LAMB4: variants seen among roughly 807,000 people sequenced by gnomAD.
LAMB4 encodes laminin subunit beta-4.
LAMB4 carries 196 observed loss-of-function variants against 199.2 expected under a neutral mutation model. The observed-to-expected ratio is 0.98, with a 90% confidence interval of 0.88 to 1.11. The LOEUF is 1.11. Among genes scored for constraint, LAMB4 ranks in the 50% least tolerant of loss-of-function variants. LAMB4 has a pLI of 0.00. For missense variants in LAMB4, 2,080 were observed against 2,171.2 expected (o/e 0.96, Z 0.83); for synonymous variants, 744 against 770.6 (o/e 0.97, Z 0.57).
At chr7:108,115,449 G>A (rs1045720860) in intron 3 of LAMB4, among the ~76,000 whole-genome samples, 8 of 152,114 alleles carry the variant, frequency 5.3e-5, no homozygotes, top group South Asian at 2.1e-4. Flanking sequence ...TGGGAAGATC[G>A]CTTGAGGCAA....
At chr7:108,089,483 T>C (rs1271591945) in intron 14 of LAMB4, among the ~76,000 whole-genome samples, 1 of 152,174 alleles carries the variant, frequency 6.6e-6, no homozygotes, top group Non-Finnish European at 1.5e-5. Context: ...AATCCTAATA[T>C]ACTTACTGAT....
chr7:108,077,868 A>G (rs2036764706), intron 16 of LAMB4, among the ~76,000 whole-genome samples: 1 of 152,162 alleles, frequency 6.6e-6, no homozygotes, highest in African/African-American at 2.4e-5. Flanking sequence ...TGGGGACCGG[A>G]AAAGGAACAT....
intron 11 of LAMB4, among the ~76,000 whole-genome samples, chr7:108,097,481 A>G (rs73197608): frequency 0.029 from 4,367 of 152,314 alleles, 162 homozygotes; most frequent in East Asian, 0.16. Context: ...GAAAGGGGAA[A>G]CATAATTTAA....
At chr7:108,092,150 C>T (rs954509229) in intron 13 of LAMB4, among the ~76,000 whole-genome samples, 187 bp downstream of exon 13, 10 of 152,226 alleles carry the variant, frequency 6.6e-5, no homozygotes, top group Middle Eastern at 3.4e-3. Flanking sequence ...GGATACCCAG[C>T]AGAAGGATTG....
intron 1 of LAMB4, among the ~76,000 whole-genome samples, chr7:108,126,142 C>T (rs2038770090): frequency 6.6e-6 from 1 of 152,228 alleles, no homozygotes; most frequent in Non-Finnish European, 1.5e-5. Flanking sequence ...CAGCAGGCCA[C>T]AGCCCTGAAT....
At chr7:108,070,410 G>A (rs1047451535) in intron 17 of LAMB4, among the ~76,000 whole-genome samples, 7 of 152,084 alleles carry the variant, frequency 4.6e-5, no homozygotes, top group African/African-American at 9.7e-5. Context: ...CAGAACTGAC[G>A]CTTGAACAAC....
chr7:108,092,378 A>T lies in LAMB4; in HGVS notation c.1509T>A (p.Cys503Ter). 1 of 1,614,066 alleles carries T rather than the reference A, an allele frequency of 6.2e-7. No homozygotes were observed. The highest frequency in any genetic ancestry group is 8.5e-7 in the Non-Finnish European group (1 of 1,179,908). ...CTCCAATATCACAGTCACAGGGAGA[A>T]CACCCATGGAGATGATTTCCCAGGC... ...YWGLGNHLHG[C>*]SPCDCDIGGA... Residue 503 changes from cysteine (C) to a stop codon, truncating the protein, a stop_gained, in exon 13 of 34, where the codon TGT (cysteine) becomes TGA (stop). Transcript: ENST00000388781. LOFTEE classifies it high-confidence loss of function.
chr7:108,039,886 T>C (rs2035361356), intron 29 of LAMB4, among the ~76,000 whole-genome samples: 1 of 152,222 alleles, frequency 6.6e-6, no homozygotes, highest in African/African-American at 2.4e-5. Flanking sequence ...ACCACTCCTG[T>C]TCAACATAGT....
At chr7:108,015,704 A>G in the LAMB4 span, among the ~76,000 whole-genome samples, 4 of 150,052 alleles carry the variant, frequency 2.7e-5, no homozygotes, top group Middle Eastern at 3.5e-3. Context: ...TGTTATTTCT[A>G]TATGTAGTCC....
intron 14 of LAMB4, among the ~76,000 whole-genome samples, chr7:108,080,123 T>C (rs2036873400): frequency 6.6e-6 from 1 of 152,206 alleles, no homozygotes; most frequent in Admixed American, 6.5e-5. Flanking sequence ...ACTGCGGAGT[T>C]CTTCCCAAAA....
chr7:108,119,469 A>T (rs1446864746), intron 2 of LAMB4, among the ~76,000 whole-genome samples: 1 of 152,242 alleles, frequency 6.6e-6, no homozygotes, highest in Non-Finnish European at 1.5e-5. Context: ...CATTGATACA[A>T]GCAACAACTT....
chr7:108,015,599 T>C, the LAMB4 span, among the ~76,000 whole-genome samples: 1 of 152,206 alleles, frequency 6.6e-6, no homozygotes, highest in African/African-American at 2.4e-5. Flanking sequence ...GTTATTCTAA[T>C]AGGTTATTTT....
chr7:108,037,303 AT>A (rs2150499125), intron 30 of LAMB4, 84 bp downstream of exon 30: 1 of 1,053,526 alleles, frequency 9.5e-7, no homozygotes, highest in South Asian at 1.4e-5. Context: ...TTTGAATGCT[AT>A]AGATCCCTAG....
chr7:108,117,075 G>A (rs763038842), intron 2 of LAMB4, among the ~76,000 whole-genome samples: 2 of 152,134 alleles, frequency 1.3e-5, no homozygotes, highest in Non-Finnish European at 2.9e-5. Context: ...TTTTGGAAAT[G>A]GGGAGGTCAA....
chr7:108,069,641 G>T, intron 18 of LAMB4, 67 bp downstream of exon 18: 2 of 1,434,608 alleles, frequency 1.4e-6, no homozygotes, highest in Non-Finnish European at 9.6e-7. Flanking sequence ...AACATAAATT[G>T]ATTTGCTCCA....
At chr7:108,096,961 AAAAAAAAAAAAT>A (rs1048650327) in intron 11 of LAMB4, among the ~76,000 whole-genome samples, 26 of 142,642 alleles carry the variant, frequency 1.8e-4, no homozygotes, top group Admixed American at 9.8e-4. Context: ...AAAAAAAAAA[AAAAAAAAAAAAT>A]TTAAAGCTGG....
At chr7:108,109,574 A>G (rs3735597) in intron 4 of LAMB4, among the ~76,000 whole-genome samples, 2 of 152,320 alleles carry the variant, frequency 1.3e-5, no homozygotes, top group East Asian at 3.9e-4. Context: ...ATTTCCTTGT[A>G]CTGAAATCTT....
At chr7:108,017,278 G>A in the LAMB4 span, among the ~76,000 whole-genome samples, 1 of 152,282 alleles carries the variant, frequency 6.6e-6, no homozygotes, top group East Asian at 1.9e-4. Context: ...GTAGGTTCAA[G>A]TTCTTCAGAA....
chr7:108,030,299 C>T (rs1221658140), intron 32 of LAMB4, among the ~76,000 whole-genome samples: 1 of 152,146 alleles, frequency 6.6e-6, no homozygotes, highest in Non-Finnish European at 1.5e-5. Flanking sequence ...CCAAAGGTTT[C>T]TTGCTAGGAA....
Sources: allele counts gnomAD v4.1 joint callset (sites outside exome capture counted in the v4.1 genomes callset), GRCh38; gene constraint gnomAD v4.1.1; transcripts MANE v1.5; gene names NCBI Gene and HGNC (gene_info 2026-07-23, HGNC 2026-07-21).